The following LRP1B variants were observed in gnomAD, a reference collection of about 807,000 sequenced individuals.
The protein encoded by LRP1B is LDL receptor related protein 1B.
Under a neutral mutation model 556.6 loss-of-function variants are expected in LRP1B, and 217 were observed. The ratio of observed to expected loss-of-function variants is 0.39; its 90% CI spans 0.35 to 0.44. The LOEUF (loss-of-function observed/expected upper bound fraction) is 0.44, where lower values mean the gene tolerates loss of function less well. LRP1B is among the 20% of genes least tolerant of loss of function. LRP1B has a pLI of 1.00. For synonymous variants in LRP1B, 2,047 were observed against 1,865.8 expected, an observed-to-expected ratio of 1.10 and a Z score of -2.50; for missense variants, 5,053 against 5,620.8, an observed-to-expected ratio of 0.90 and a Z score of 3.23.
intron 3 of LRP1B, among the ~76,000 whole-genome samples, chr2:141,458,309 G>A (rs904640997): frequency 9.9e-5 from 15 of 152,158 alleles, no homozygotes; most frequent in African/African-American, 3.6e-4. Flanking sequence ...TGTAGTCTAG[G>A]AAAAGTACTT....
intron 2 of LRP1B, among the ~76,000 whole-genome samples, chr2:141,619,386 G>A (rs571234339): frequency 1.3e-5 from 2 of 152,314 alleles, no homozygotes; most frequent in African/African-American, 4.8e-5. Flanking sequence ...TATTGGGCTT[G>A]ATAAATGTTT....
At chr2:140,725,286 A>G (rs288102) in intron 35 of LRP1B, among the ~76,000 whole-genome samples, 147,720 of 152,120 alleles carry the variant, frequency 0.97, 71,824 homozygotes, top group Middle Eastern at 1. Flanking sequence ...ACAATATTTT[A>G]TTCCTGTTCT....
chr2:141,445,618 T>C (rs1681159620), intron 3 of LRP1B, among the ~76,000 whole-genome samples: 1 of 152,224 alleles, frequency 6.6e-6, no homozygotes, highest in Admixed American at 6.5e-5. Flanking sequence ...TTCTGGTATG[T>C]TGTGTCTTTG....
At position 142,087,715 on chromosome 2, in the gene LRP1B, T is replaced by A. The variant is rs1245384260; in HGVS notation, c.82+42933A>T. ...AGGAACCACAGAGAAAGATAAAGTG[T>A]CTACCAAGCTAGATCTTTTGTAAAT... On this transcript the variant is annotated intron_variant, in intron 1 of 90. Coordinates refer to ENST00000389484, the MANE Select transcript of LRP1B (RefSeq NM_018557.3). Among the ~76,000 whole-genome samples the A allele has an allele frequency of 3.9e-5, 6 of 151,960 alleles. No homozygotes were observed. The South Asian group carries it at 1.0e-3, about 26-fold the overall frequency.
At chr2:141,620,697 ATTC>A (rs1234885699) in intron 2 of LRP1B, among the ~76,000 whole-genome samples, 1 of 152,212 alleles carries the variant, frequency 6.6e-6, no homozygotes, top group Non-Finnish European at 1.5e-5. Flanking sequence ...AAATTTAAAT[ATTC>A]TTAACCACTG....
intron 6 of LRP1B, among the ~76,000 whole-genome samples, chr2:141,227,948 C>G (rs1683309054): frequency 6.6e-6 from 1 of 152,038 alleles, no homozygotes. Flanking sequence ...CTTTTTAAGA[C>G]AGAGTTTTGC....
At chr2:142,053,473 G>T (rs1232673516) in intron 1 of LRP1B, among the ~76,000 whole-genome samples, 1 of 151,476 alleles carries the variant, frequency 6.6e-6, no homozygotes, top group Non-Finnish European at 1.5e-5. Flanking sequence ...ATAAACAAAG[G>T]TTATATACAT....
chr2:141,344,188 G>A (rs972832816), intron 3 of LRP1B, among the ~76,000 whole-genome samples: 2 of 152,074 alleles, frequency 1.3e-5, no homozygotes, highest in Non-Finnish European at 2.9e-5. Context: ...CCCCTTGGCT[G>A]GAATAGAAAG....
In LRP1B at chr2:141,119,968, G is replaced by A. The variant is rs571598610; in HGVS notation, c.1014-57695C>T. Among the ~76,000 whole-genome samples the A allele has an allele frequency of 9.1e-4, 138 of 151,880 alleles. 1 individual carries two copies. Among genetic ancestry groups the A allele is most frequent in the Middle Eastern group, 6.8e-3 (2 of 294 alleles). On this transcript the variant is annotated intron_variant, in intron 7 of 90. Coordinates refer to ENST00000389484, the MANE Select transcript of LRP1B (RefSeq NM_018557.3). ...AATGATTATCAAAAATACTTTTCAG[G>A]ATTTAGAGGAAAAAAAGTTTTATTT...
intron 3 of LRP1B, among the ~76,000 whole-genome samples, chr2:141,333,989 C>CT (rs1236165779): frequency 6.6e-6 from 1 of 152,014 alleles, no homozygotes; most frequent in African/African-American, 2.4e-5. Context: ...TTTATGTTTT[C>CT]TTTTTTTCCA....
intron 3 of LRP1B, among the ~76,000 whole-genome samples, chr2:141,383,749 C>A (rs1689726288): frequency 6.6e-6 from 1 of 152,016 alleles, no homozygotes; most frequent in South Asian, 2.1e-4. Flanking sequence ...TAAAATATGT[C>A]CAGATGCAGA....
chr2:141,795,105 C>T (rs1389962509), intron 2 of LRP1B, among the ~76,000 whole-genome samples: 4 of 152,004 alleles, frequency 2.6e-5, no homozygotes. Flanking sequence ...GCTAATTGAT[C>T]AACAGTGTTT....
intron 3 of LRP1B, among the ~76,000 whole-genome samples, chr2:141,449,506 T>G (rs1681329734): frequency 6.6e-6 from 1 of 152,194 alleles, no homozygotes; most frequent in African/African-American, 2.4e-5. Context: ...GGCATTTAGT[T>G]TCTCTTTCTT....
At chr2:140,475,430 A>C in intron 59 of LRP1B, 93 bp from the exon 60 acceptor site, 1 of 884,932 alleles carries the variant, frequency 1.1e-6, no homozygotes, top group African/African-American at 1.7e-5. Flanking sequence ...CTGTTCCCAC[A>C]TTAATCTTGC....
intron 1 of LRP1B, among the ~76,000 whole-genome samples, chr2:141,898,475 C>T (rs1699521722): frequency 6.6e-6 from 1 of 152,022 alleles, no homozygotes; most frequent in Non-Finnish European, 1.5e-5. Flanking sequence ...GGTAAATTAT[C>T]CTGATTAAAA....
intron 2 of LRP1B, among the ~76,000 whole-genome samples, chr2:141,600,207 G>C (rs767162920): frequency 1.3e-5 from 2 of 152,044 alleles, no homozygotes; most frequent in Non-Finnish European, 2.9e-5. Context: ...TGGTTAGAGC[G>C]GTCTTACTTG....
At chr2:141,158,308 G>C (rs1392569087) in intron 7 of LRP1B, among the ~76,000 whole-genome samples, 1 of 152,126 alleles carries the variant, frequency 6.6e-6, no homozygotes, top group East Asian at 1.9e-4. Flanking sequence ...GTCAAGAGCA[G>C]CTGAACTCAA....
chr2:141,352,905 A>C (rs1304253768), intron 3 of LRP1B, among the ~76,000 whole-genome samples: 1 of 152,004 alleles, frequency 6.6e-6, no homozygotes, highest in African/African-American at 2.4e-5. Flanking sequence ...AATAGTTTAT[A>C]TATTTATATT....
At chr2:142,055,962 C>T (rs1704652754) in intron 1 of LRP1B, among the ~76,000 whole-genome samples, 1 of 152,104 alleles carries the variant, frequency 6.6e-6, no homozygotes, top group African/African-American at 2.4e-5. Flanking sequence ...ACAAGCCTGG[C>T]CAACATGGTG....
Sources: gnomAD v4.1 joint callset for allele counts (sites outside exome capture counted in the v4.1 genomes callset) on GRCh38, gnomAD v4.1.1 for gene constraint, MANE v1.5 for transcripts, NCBI Gene and HGNC (gene_info 2026-07-23, HGNC 2026-07-21) for gene names.